TRIM44: variants seen among roughly 807,000 people sequenced by gnomAD.
TRIM44 encodes the protein tripartite motif-containing protein 44.
TRIM44 carries 13 observed loss-of-function variants against 37.4 expected under a neutral mutation model. The ratio of observed to expected loss-of-function variants is 0.35; its 90% CI spans 0.23 to 0.55. The LOEUF (loss-of-function observed/expected upper bound fraction) is 0.55, where lower values mean the gene tolerates loss of function less well. Among genes scored for constraint, TRIM44 ranks in the 20% least tolerant of loss-of-function variants. The pLI, the probability that TRIM44 is intolerant of heterozygous loss-of-function variation, is 0.89. For missense variants in TRIM44, 426 were observed against 437.2 expected (o/e 0.97, Z 0.23); for synonymous variants, 175 against 157.2 (o/e 1.11, Z -0.85).
chr11:35,805,583 A>G (rs767954336), intron 4 of TRIM44, among the ~76,000 whole-genome samples: 2 of 152,304 alleles, frequency 1.3e-5, no homozygotes, highest in African/African-American at 2.4e-5. Flanking sequence ...AACTGTGTCC[A>G]TCCCTCCCTC....
chr11:35,751,472 A>T (rs1346905942), intron 4 of TRIM44, among the ~76,000 whole-genome samples: 3 of 152,262 alleles, frequency 2.0e-5, no homozygotes, highest in African/African-American at 7.2e-5. Flanking sequence ...CTAAAGGCCA[A>T]GAGAGAAGGG....
intron 2 of TRIM44, among the ~76,000 whole-genome samples, chr11:35,715,219 G>A (rs1421424958): frequency 1.3e-5 from 2 of 152,178 alleles, no homozygotes; most frequent in Non-Finnish European, 2.9e-5. Flanking sequence ...GATGCTTGGC[G>A]GCGATGCCAC....
In TRIM44 at chr11:35,685,355, T is replaced by C; in HGVS notation, c.747+19T>C. ...CCCTAAAGTAAGTATTGTTTGGAATTGATTGGGTGTTGGTACCCCAAGCAT... is the reference window on the plus strand; with the variant it reads ...CCCTAAAGTAAGTATTGTTTGGAATCGATTGGGTGTTGGTACCCCAAGCAT... On this transcript the variant is annotated intron_variant, in intron 2 of 4. Coordinates refer to ENST00000299413, the MANE Select transcript of TRIM44 (RefSeq NM_017583.6). 6.2e-7 allele frequency: 1 copy of C among 1,607,730 alleles called. No homozygotes were observed. The highest frequency in any genetic ancestry group is 8.5e-7 in the Non-Finnish European group (1 of 1,174,398).
At chr11:35,692,400 T>A (rs796515607) in intron 2 of TRIM44, among the ~76,000 whole-genome samples, 2 of 152,332 alleles carry the variant, frequency 1.3e-5, no homozygotes, top group African/African-American at 4.8e-5. Flanking sequence ...AATGGTATTA[T>A]AGATTGAGTA....
chr11:35,803,748 C>G (rs1853401328), intron 4 of TRIM44, among the ~76,000 whole-genome samples: 1 of 151,944 alleles, frequency 6.6e-6, no homozygotes, highest in Non-Finnish European at 1.5e-5. Context: ...ATGAGATAAC[C>G]TCATGAACAT....
chr11:35,806,297 G>A, intron 4 of TRIM44, 61 bp from the exon 5 acceptor site: 2 of 1,588,834 alleles, frequency 1.3e-6, no homozygotes, highest in Non-Finnish European at 1.7e-6. Context: ...TCAACCAGTA[G>A]ACTAGGCTGC....
At chr11:35,691,735 C>G (rs981949422) in intron 2 of TRIM44, among the ~76,000 whole-genome samples, 4 of 152,178 alleles carry the variant, frequency 2.6e-5, no homozygotes, top group African/African-American at 7.2e-5. Flanking sequence ...AGCTCCACCT[C>G]CCAGGTTCAC....
chr11:35,788,818 A>C (rs1447577206), intron 4 of TRIM44, among the ~76,000 whole-genome samples: 1 of 152,228 alleles, frequency 6.6e-6, no homozygotes, highest in Non-Finnish European at 1.5e-5. Flanking sequence ...AATCAGACTA[A>C]GGAGAGGTGG....
chr11:35,795,171 T>C (rs1853264490), intron 4 of TRIM44, among the ~76,000 whole-genome samples: 1 of 152,028 alleles, frequency 6.6e-6, no homozygotes, highest in Non-Finnish European at 1.5e-5. Context: ...GAAGGTGGCA[T>C]GAATCAGGCT....
At chr11:35,680,011 A>G (rs1446502990) in intron 1 of TRIM44, among the ~76,000 whole-genome samples, 1 of 152,222 alleles carries the variant, frequency 6.6e-6, no homozygotes, top group Non-Finnish European at 1.5e-5. Context: ...GAGAAAAGCT[A>G]ATGTCATGTA....
chr11:35,753,132 A>G (rs936365798), intron 4 of TRIM44, among the ~76,000 whole-genome samples: 3 of 152,004 alleles, frequency 2.0e-5, no homozygotes, highest in African/African-American at 7.2e-5. Flanking sequence ...TGTGTAGGTC[A>G]TTTGCCTTTA....
chr11:35,734,557 A>T (rs1000682152), intron 3 of TRIM44, among the ~76,000 whole-genome samples: 5 of 152,124 alleles, frequency 3.3e-5, no homozygotes, highest in African/African-American at 1.2e-4. Flanking sequence ...TATTGAGACT[A>T]CCCTTCAATG....
chr11:35,688,157 TC>T (rs1381730181), intron 2 of TRIM44, among the ~76,000 whole-genome samples: 2 of 152,122 alleles, frequency 1.3e-5, no homozygotes, highest in African/African-American at 4.8e-5. Context: ...AGGGCAGAAA[TC>T]TCTTAGGCTT....
intron 4 of TRIM44, among the ~76,000 whole-genome samples, chr11:35,755,846 T>C (rs1228746708): frequency 2.0e-5 from 3 of 152,226 alleles, no homozygotes; most frequent in Admixed American, 1.3e-4. Context: ...AGGGTTCTGT[T>C]CTGTTCCATT....
intron 2 of TRIM44, among the ~76,000 whole-genome samples, chr11:35,720,831 T>G (rs1437712425): frequency 6.6e-6 from 1 of 152,122 alleles, no homozygotes; most frequent in East Asian, 1.9e-4. Context: ...AGATAAATTA[T>G]ATTAGCTGAT....
At chr11:35,775,977 G>A (rs1590591916) in intron 4 of TRIM44, among the ~76,000 whole-genome samples, 1 of 152,248 alleles carries the variant, frequency 6.6e-6, no homozygotes, top group East Asian at 1.9e-4. Context: ...GGATGATGCT[G>A]GCCTCATAAA....
chr11:35,702,905 G>A (rs1037931925), intron 2 of TRIM44, among the ~76,000 whole-genome samples: 4 of 152,218 alleles, frequency 2.6e-5, no homozygotes, highest in Non-Finnish European at 5.9e-5. Flanking sequence ...GACAGTGGGC[G>A]CAGGACAGTG....
intron 1 of TRIM44, among the ~76,000 whole-genome samples, chr11:35,670,034 G>C (rs561028850): frequency 1.2e-4 from 18 of 151,828 alleles, no homozygotes; most frequent in African/African-American, 4.1e-4. Flanking sequence ...TGTTGGCCAG[G>C]CTGGTCTCGA....
intron 2 of TRIM44, among the ~76,000 whole-genome samples, chr11:35,697,902 C>T (rs1326140122): frequency 9.2e-5 from 14 of 151,608 alleles, no homozygotes; most frequent in Admixed American, 5.3e-4. Context: ...TGAATAGTGC[C>T]GCAATAAACA....
Sources: allele counts gnomAD v4.1 joint callset (sites outside exome capture counted in the v4.1 genomes callset), GRCh38; gene constraint gnomAD v4.1.1; transcripts MANE v1.5; gene names NCBI Gene and HGNC (gene_info 2026-07-23, HGNC 2026-07-21).